Variants in RNLS observed in about 807,000 individuals in gnomAD.
The protein encoded by RNLS is renalase, FAD dependent amine oxidase.
A neutral mutation model predicts 39.8 loss-of-function variants in RNLS; 39 were observed. That is an observed-to-expected ratio of 0.98 (90% confidence interval 0.76 to 1.28). RNLS has a LOEUF of 1.28. Ranked by LOEUF, RNLS falls within the 50% of genes most tolerant of loss-of-function variation. The pLI is 0.00. For missense variants in RNLS, 410 were observed against 413.3 expected (o/e 0.99, Z 0.07); for synonymous variants, 147 against 150.7 (o/e 0.98, Z 0.18).
the RNLS span, among the ~76,000 whole-genome samples, chr10:88,217,608 A>G: frequency 6.6e-6 from 1 of 152,132 alleles, no homozygotes; most frequent in Admixed American, 6.5e-5. Flanking sequence ...AGCTAGAAAG[A>G]GAAACTTGTA....
chr10:88,309,366 A>C lies in RNLS; in HGVS notation c.876+5100T>G, dbSNP rs1428364116. 2.4e-6 allele frequency: 3 copies of C among 1,257,676 alleles called. No homozygotes were observed. In the East Asian group the frequency reaches 1.7e-4, roughly 71 times the overall value. The allele number at this position is 1,257,676 out of a possible 1,614,324, so 77.9% of individuals were successfully genotyped here. On this transcript the variant is annotated intron_variant, in intron 6 of 6. Coordinates refer to ENST00000331772, the MANE Select transcript of RNLS (RefSeq NM_001031709.3). ...ATCACCACCTGACTTTTCAATGCTG[A>C]AATTAGACACTATTACTCACCAGAA...
the RNLS span, among the ~76,000 whole-genome samples, chr10:88,239,722 A>G: frequency 2.0e-5 from 3 of 152,236 alleles, no homozygotes; most frequent in Admixed American, 2.0e-4. Context: ...TATCTTGCAC[A>G]TACATAATAA....
At chr10:88,392,012 C>G (rs1852234299) in intron 4 of RNLS, among the ~76,000 whole-genome samples, 1 of 152,222 alleles carries the variant, frequency 6.6e-6, no homozygotes. Context: ...AGAGAACTAT[C>G]ATTATTTGAC....
At chr10:88,358,036 C>G (rs755215748) in intron 5 of RNLS, among the ~76,000 whole-genome samples, 2 of 152,164 alleles carry the variant, frequency 1.3e-5, no homozygotes, top group Non-Finnish European at 1.5e-5. Flanking sequence ...AATACAAGAC[C>G]TATACAAAAG....
At chr10:88,469,813 A>ATG (rs1171622999) in intron 4 of RNLS, among the ~76,000 whole-genome samples, 6 of 128,216 alleles carry the variant, frequency 4.7e-5, no homozygotes, top group Admixed American at 3.5e-4. Context: ...CAATATTTTT[A>ATG]TGTGTGTGCG....
chr10:88,251,835 T>C, the RNLS span, among the ~76,000 whole-genome samples: 1 of 152,234 alleles, frequency 6.6e-6, no homozygotes, highest in Admixed American at 6.5e-5. Flanking sequence ...ATTTCACCTA[T>C]GCTTTGTTGA....
At chr10:88,224,067 CAG>C in the RNLS span, among the ~76,000 whole-genome samples, 2 of 146,428 alleles carry the variant, frequency 1.4e-5, no homozygotes, top group African/African-American at 2.5e-5. Context: ...AGGAGAGAAA[CAG>C]AGAAAAATGG....
chr10:88,305,904 C>T (rs536882578), intron 6 of RNLS, among the ~76,000 whole-genome samples: 4 of 152,272 alleles, frequency 2.6e-5, no homozygotes, highest in Non-Finnish European at 4.4e-5. Context: ...GGCACACATT[C>T]TAAAATTGAT....
chr10:88,546,982 G>A (rs1417694840), intron 4 of RNLS, among the ~76,000 whole-genome samples: 1 of 152,020 alleles, frequency 6.6e-6, no homozygotes, highest in African/African-American at 2.4e-5. Context: ...AGACTATGAT[G>A]CATCCAAAGC....
At chr10:88,278,932 C>T (rs1842910650) in intron 6 of RNLS, among the ~76,000 whole-genome samples, 1 of 152,194 alleles carries the variant, frequency 6.6e-6, no homozygotes. Flanking sequence ...TTCATTCATT[C>T]ATTCTTTGGA....
rs796528507 is a variant in RNLS at position 88,286,591 on chromosome 10, G to A, written c.877-1085C>T. On this transcript the variant is annotated intron_variant, in intron 6 of 6. Coordinates refer to ENST00000331772, the MANE Select transcript of RNLS (RefSeq NM_001031709.3). ...GACTGCTTCACTGTACAACTTCAGG[G>A]GGCTCCATTCACCTGGATGACAATA... Among the ~76,000 whole-genome samples the A allele has an allele frequency of 1.1e-4, 16 of 151,942 alleles. 1 individual carries two copies. The highest frequency in any genetic ancestry group is 3.9e-4 in the African/African-American group (16 of 41,462).
chr10:88,578,982 G>T (rs1399324121), intron 3 of RNLS, among the ~76,000 whole-genome samples: 1 of 152,036 alleles, frequency 6.6e-6, no homozygotes. Flanking sequence ...CATGTGTAGG[G>T]GTGAAATTTC....
At chr10:88,507,385 G>C (rs1228492803) in intron 4 of RNLS, among the ~76,000 whole-genome samples, 2 of 152,058 alleles carry the variant, frequency 1.3e-5, no homozygotes, top group African/African-American at 4.8e-5. Flanking sequence ...AAAAGAAGGA[G>C]TCCAATCAGC....
At chr10:88,492,326 T>A (rs1043894061) in intron 4 of RNLS, among the ~76,000 whole-genome samples, 1 of 152,134 alleles carries the variant, frequency 6.6e-6, no homozygotes, top group Non-Finnish European at 1.5e-5. Flanking sequence ...TAAGTGGTAT[T>A]GGAGGCAGCT....
At chr10:88,556,837 C>A (rs902641967) in intron 4 of RNLS, among the ~76,000 whole-genome samples, 5 of 152,140 alleles carry the variant, frequency 3.3e-5, no homozygotes, top group Non-Finnish European at 5.9e-5. Flanking sequence ...TTTTCTATTT[C>A]TCCTATCTTG....
chr10:88,190,259 AC>A, the RNLS span, among the ~76,000 whole-genome samples: 3 of 152,144 alleles, frequency 2.0e-5, no homozygotes, highest in Non-Finnish European at 4.4e-5. Flanking sequence ...AATCCCTCAG[AC>A]CTGGACTTCT....
Position 88,305,012 on chromosome 10 carries a change from A to C in RNLS, c.876+9454T>G, listed in dbSNP as rs554077416. 7.9e-5 allele frequency among the ~76,000 whole-genome samples: 12 copies of C among 152,350 alleles called. No individual in the cohort carries two copies. The South Asian group carries it at 2.5e-3, about 32-fold the overall frequency. ...CGGACCTCTCAGCAGAAACTCTACA[A>C]GCCAGAAAAGATTGGTGGCCAGTAT... On this transcript the variant is annotated intron_variant, in intron 6 of 6. Transcript: ENST00000331772.
the RNLS span, among the ~76,000 whole-genome samples, chr10:88,247,777 C>G: frequency 1.3e-4 from 20 of 152,148 alleles, no homozygotes; most frequent in African/African-American, 4.3e-4. Flanking sequence ...CTGGGTAGGC[C>G]CAATATAATC....
At chr10:88,252,190 C>T in the RNLS span, among the ~76,000 whole-genome samples, 1 of 152,074 alleles carries the variant, frequency 6.6e-6, no homozygotes, top group Non-Finnish European at 1.5e-5. Flanking sequence ...GTCTCTTCTC[C>T]CTCTATCTCG....
Sources: allele counts gnomAD v4.1 joint callset (sites outside exome capture counted in the v4.1 genomes callset), GRCh38; gene constraint gnomAD v4.1.1; transcripts MANE v1.5; gene names NCBI Gene and HGNC (gene_info 2026-07-23, HGNC 2026-07-21).